CSMD1: variants seen among roughly 807,000 people sequenced by gnomAD.
The protein encoded by CSMD1 is CUB and Sushi multiple domains 1, also known as CUB and sushi domain-containing protein 1.
In CSMD1, 213 loss-of-function variants were observed where a neutral mutation model predicts 417.5. That is an observed-to-expected ratio of 0.51 (90% confidence interval 0.46 to 0.57). The LOEUF is 0.57. Ranked by LOEUF, CSMD1 falls within the 20% of genes least tolerant of loss-of-function variation. CSMD1 has a pLI of 0.00. For synonymous variants in CSMD1, 2,862 were observed against 1,736.8 expected, an observed-to-expected ratio of 1.65 and a Z score of -16.11; for missense variants, 6,923 against 4,529.7, an observed-to-expected ratio of 1.53 and a Z score of -15.17.
intron 5 of CSMD1, among the ~76,000 whole-genome samples, chr8:3,856,557 C>T (rs1804327041): frequency 6.6e-6 from 1 of 152,148 alleles, no homozygotes; most frequent in Admixed American, 6.5e-5. Flanking sequence ...CATCATGCGG[C>T]ACTGGGGCCT....
In CSMD1 at chr8:4,909,288, A is replaced by G. The variant is rs1805505035; in HGVS notation, c.85+85044T>C. On this transcript the variant is annotated intron_variant, in intron 1 of 69. Coordinates refer to ENST00000635120, the MANE Select transcript of CSMD1 (RefSeq NM_033225.6). ...TTTAGTGATCCTGTGTTTCAGGGCT[A>G]TGACTTTTCTGAGAATTTTCCCAGC... Among the ~76,000 whole-genome samples, 3 of 151,594 alleles carry G rather than the reference A, an allele frequency of 2.0e-5. No individual in the cohort carries two copies. The South Asian group carries it at 6.3e-4, about 32-fold the overall frequency.
At chr8:4,814,848 A>G (rs938436012) in intron 1 of CSMD1, among the ~76,000 whole-genome samples, 1 of 152,178 alleles carries the variant, frequency 6.6e-6, no homozygotes, top group Non-Finnish European at 1.5e-5. Context: ...CGGACTCTTA[A>G]TCATTTGTTA....
At chr8:3,118,360 G>A (rs772694030) in intron 42 of CSMD1, 39 bp downstream of exon 42, 1 of 1,432,438 alleles carries the variant, frequency 7.0e-7, no homozygotes, top group Non-Finnish European at 9.7e-7. Context: ...TTATGCCCAT[G>A]AAACATTAAA....
At position 4,994,358 on chromosome 8, in the gene CSMD1, C is replaced by G. The variant is rs962422733; in HGVS notation, c.59G>C (p.Cys20Ser). ...CTTCGCTGCAGTGAGGAGCCTCGCG[C>G]ACAGCACCAGCAGCCCGAGAAGCAG... ...LLLLLGLLVL[C>S]ARLLTAAKGQ... The change falls in exon 1 of 70, where the codon TGC (cysteine) becomes TCC (serine). Residue 20 changes from cysteine to serine, a missense_variant. Transcript: ENST00000635120. 4 of 1,611,592 alleles carry G rather than the reference C, an allele frequency of 2.5e-6. No homozygotes were observed. The highest frequency in any genetic ancestry group is 3.4e-6 in the Non-Finnish European group (4 of 1,179,838).
At chr8:4,345,770 C>G (rs570156847) in intron 3 of CSMD1, among the ~76,000 whole-genome samples, 1 of 152,134 alleles carries the variant, frequency 6.6e-6, no homozygotes, top group South Asian at 2.1e-4. Flanking sequence ...ATCTCAACCC[C>G]GTTAAAATGC....
intron 9 of CSMD1, among the ~76,000 whole-genome samples, chr8:3,583,185 T>C (rs1800454800): frequency 6.6e-6 from 1 of 151,982 alleles, no homozygotes; most frequent in Non-Finnish European, 1.5e-5. Context: ...TGTGAGCCAG[T>C]TCCCTGATCT....
At chr8:4,531,500 A>G (rs1017628082) in intron 2 of CSMD1, among the ~76,000 whole-genome samples, 1 of 152,104 alleles carries the variant, frequency 6.6e-6, no homozygotes, top group African/African-American at 2.4e-5. Context: ...AATAAGTATA[A>G]CGTCACCTGC....
Position 3,118,390 on chromosome 8 carries a change from T to C in CSMD1, c.6430+9A>G, listed in dbSNP as rs763909319. ...ATTAAATCGCCCCCATGCAAAGTGA[T>C]GAACTTACCATCACATCTTGGAAAA... On this transcript the variant is annotated intron_variant, in intron 42 of 69. Transcript: ENST00000635120. 1.6e-5 allele frequency: 25 copies of C among 1,606,514 alleles called. No individual in the cohort carries two copies. Among genetic ancestry groups the C allele is most frequent in the Non-Finnish European group, 2.1e-5 (25 of 1,174,628 alleles).
chr8:3,506,696 C>G (rs974869344), intron 10 of CSMD1, among the ~76,000 whole-genome samples: 4 of 152,068 alleles, frequency 2.6e-5, no homozygotes, highest in African/African-American at 9.7e-5. Context: ...TTTGGGGTGT[C>G]ATGAAGATAA....
chr8:4,053,566 T>A (rs184744294), intron 3 of CSMD1, among the ~76,000 whole-genome samples: 9 of 152,172 alleles, frequency 5.9e-5, no homozygotes, highest in Non-Finnish European at 8.8e-5. Context: ...TGCAAGCTGG[T>A]CCTCAATTTC....
chr8:3,178,732 CT>C (rs1260026504), intron 37 of CSMD1, among the ~76,000 whole-genome samples: 5 of 151,016 alleles, frequency 3.3e-5, no homozygotes, highest in East Asian at 1.9e-4. Flanking sequence ...TAAGCGTCTA[CT>C]TTTTTTTTCC....
At chr8:3,213,072 C>A (rs767915996) in intron 30 of CSMD1, among the ~76,000 whole-genome samples, 6 of 151,784 alleles carry the variant, frequency 4.0e-5, no homozygotes, top group Non-Finnish European at 2.9e-5. Flanking sequence ...GGTGATCCAC[C>A]CACGTCAGCC....
intron 1 of CSMD1, among the ~76,000 whole-genome samples, chr8:4,745,339 T>C (rs115089559): frequency 0.018 from 2,777 of 152,272 alleles, 78 homozygotes; most frequent in African/African-American, 0.052. Flanking sequence ...GAGAAAGAAA[T>C]GCTATACAGT....
intron 1 of CSMD1, among the ~76,000 whole-genome samples, chr8:4,771,082 T>A (rs1036658044): frequency 6.6e-6 from 1 of 152,192 alleles, no homozygotes; most frequent in Non-Finnish European, 1.5e-5. Context: ...ATATTCAAGA[T>A]TTGTAAATAA....
chr8:4,979,865 A>T (rs1322987194), intron 1 of CSMD1, among the ~76,000 whole-genome samples: 1 of 151,806 alleles, frequency 6.6e-6, no homozygotes, highest in Non-Finnish European at 1.5e-5. Flanking sequence ...TTGAAACCCC[A>T]TCTCTACTAA....
intron 26 of CSMD1, among the ~76,000 whole-genome samples, chr8:3,255,681 A>C (rs1800597827): frequency 6.6e-6 from 1 of 152,188 alleles, no homozygotes; most frequent in African/African-American, 2.4e-5. Flanking sequence ...CACGGGATAT[A>C]ATCTCCTGGT....
chr8:3,882,462 C>G (rs1026920384), intron 5 of CSMD1, among the ~76,000 whole-genome samples: 5 of 152,174 alleles, frequency 3.3e-5, no homozygotes, highest in African/African-American at 1.2e-4. Flanking sequence ...GGTGGTATTA[C>G]AAATCAGTAG....
intron 5 of CSMD1, among the ~76,000 whole-genome samples, chr8:3,773,498 G>C (rs1563065906): frequency 2.0e-5 from 3 of 152,062 alleles, no homozygotes; most frequent in African/African-American, 4.8e-5. Flanking sequence ...TGTTTCCCAG[G>C]CTGGTCTTGA....
At chr8:3,702,767 G>C (rs559206946) in intron 7 of CSMD1, among the ~76,000 whole-genome samples, 5 of 152,324 alleles carry the variant, frequency 3.3e-5, no homozygotes, top group Admixed American at 2.0e-4. Context: ...GGGAGGTGCA[G>C]GTTGCAGTTA....
Sources: gnomAD v4.1 joint callset for allele counts (sites outside exome capture counted in the v4.1 genomes callset) on GRCh38, gnomAD v4.1.1 for gene constraint, MANE v1.5 for transcripts, NCBI Gene and HGNC (gene_info 2026-07-23, HGNC 2026-07-21) for gene names.